The following CSRP1 variants were observed in gnomAD, a reference collection of about 807,000 sequenced individuals.
CSRP1 encodes the protein cysteine and glycine-rich protein 1.
CSRP1 carries 16 observed loss-of-function variants against 25.4 expected under a neutral mutation model. The ratio of observed to expected loss-of-function variants is 0.63; its 90% confidence interval spans 0.43 to 0.96. The LOEUF (loss-of-function observed/expected upper bound fraction) is 0.96. Among genes scored for constraint, CSRP1 ranks in the 40% least tolerant of loss-of-function variants. CSRP1 has a pLI of 0.00. For synonymous variants in CSRP1, 97 were observed against 95.3 expected, an observed-to-expected ratio of 1.02 and a Z score of -0.10; for missense variants, 212 against 243.6, an observed-to-expected ratio of 0.87 and a Z score of 0.86.
At position 201,485,467 on chromosome 1, in the gene CSRP1, A is replaced by G. The variant is rs1409300533; in HGVS notation, c.412-91T>C. 7.0e-6 allele frequency: 8 copies of G among 1,139,412 alleles called. No homozygotes were observed. The African/African-American group carries it at 1.1e-4, about 15-fold the overall frequency. The allele number at this position is 1,139,412 out of a possible 1,614,324, so 70.6% of individuals were successfully genotyped here. A position where few individuals can be genotyped will look rare whatever the true frequency, so the allele number is the denominator to read the frequency against. ...ACTCCCTTTGACATAACCATGGTAT[A>G]AGGGCTCAAGCCACTTCTGAAGTCT... On this transcript the variant is annotated intron_variant, in intron 4 of 5. Coordinates refer to ENST00000340006, the MANE Select transcript of CSRP1 (RefSeq NM_004078.3).
rs114626471 is a variant in CSRP1 at position 201,498,117 on chromosome 1, C to T, written c.-1-1813G>A. 7.0e-3 allele frequency among the ~76,000 whole-genome samples: 1,072 copies of T among 152,302 alleles called. 13 individuals carry two copies. Among genetic ancestry groups the T allele is most frequent in the African/African-American group, 0.025 (1,023 of 41,564 alleles). ...CAGTACTTGGCACATATACAGCACA[C>T]AGAAGTCCAAGTGATGCCTCAGGTC... On this transcript the variant is annotated intron_variant, in intron 1 of 5. Coordinates refer to ENST00000340006, the MANE Select transcript of CSRP1 (RefSeq NM_004078.3).
At chr1:201,506,685 G>C (rs1384917608) in intron 1 of CSRP1, 1 of 152,262 alleles carries the variant, frequency 6.6e-6, no homozygotes, top group Non-Finnish European at 1.5e-5. Context: ...CCCGCCCGCG[G>C]GCATTTTCTC....
intron 1 of CSRP1, among the ~76,000 whole-genome samples, chr1:201,503,305 T>C (rs2102416746): frequency 6.6e-6 from 1 of 152,352 alleles, no homozygotes; most frequent in Non-Finnish European, 1.5e-5. Context: ...TGTAATGATG[T>C]TGGTTATTCC....
At chr1:201,488,770 C>T (rs1185173575) in intron 4 of CSRP1, 85 bp downstream of exon 4, 2 of 1,534,992 alleles carry the variant, frequency 1.3e-6, no homozygotes, top group Non-Finnish European at 1.8e-6. Flanking sequence ...CTGAGCAGAG[C>T]TAGGTCACCA....
At position 201,496,811 on chromosome 1, in the gene CSRP1, T is replaced by G. The variant is rs979769265; in HGVS notation, c.-1-507A>C. The stretch of plus-strand genomic sequence containing the variant: ...TTACTACAGAAAAGCAAGGGAATGA[T>G]GATCACAAGCTTTTACCTTAGAAGA... On this transcript the variant is annotated intron_variant, in intron 1 of 5. Coordinates refer to ENST00000340006, the MANE Select transcript of CSRP1 (RefSeq NM_004078.3). 1.3e-4 allele frequency among the ~76,000 whole-genome samples: 20 copies of G among 152,324 alleles called. No homozygotes were observed. The South Asian group carries it at 3.3e-3, about 25-fold the overall frequency.
At chr1:201,502,165 G>A (rs1664692527) in intron 1 of CSRP1, among the ~76,000 whole-genome samples, 1 of 152,190 alleles carries the variant, frequency 6.6e-6, no homozygotes, top group Admixed American at 6.5e-5. Flanking sequence ...TTTCTACAGT[G>A]GAAAAATCCC....
At chr1:201,491,349 G>A (rs1225336250) in intron 2 of CSRP1, 1 of 152,164 alleles carries the variant, frequency 6.6e-6, no homozygotes, top group Admixed American at 6.5e-5. Flanking sequence ...GTCATGAAGA[G>A]TCAGACTGCC....
chr1:201,500,205 C>T (rs1048203300), intron 1 of CSRP1, among the ~76,000 whole-genome samples: 1 of 152,202 alleles, frequency 6.6e-6, no homozygotes, highest in African/African-American at 2.4e-5. Flanking sequence ...CCCCCTGAAC[C>T]AGCAGGGGAC....
At chr1:201,490,386 G>A (rs1370989110) in intron 2 of CSRP1, 42 bp from the exon 3 acceptor site, 7 of 1,600,940 alleles carry the variant, frequency 4.4e-6, no homozygotes, top group Non-Finnish European at 6.0e-6. Flanking sequence ...AGTTGAAGCT[G>A]GGGTGACCTT....
intron 1 of CSRP1, among the ~76,000 whole-genome samples, chr1:201,503,213 AAACTTC>A (rs1664717675): frequency 1.3e-5 from 2 of 152,214 alleles, no homozygotes; most frequent in Admixed American, 1.3e-4. Context: ...TAGTATTTCA[AAACTTC>A]TACAGGAAAT....
At chr1:201,506,187 G>A (rs909592830) in intron 1 of CSRP1, among the ~76,000 whole-genome samples, 7 of 152,156 alleles carry the variant, frequency 4.6e-5, no homozygotes, top group Admixed American at 1.3e-4. Context: ...CCAGGGCCCA[G>A]TGGATTTCCT....
intron 5 of CSRP1, 100 bp downstream of exon 5, chr1:201,485,183 C>T (rs759041560): frequency 1.1e-5 from 11 of 1,018,464 alleles, no homozygotes; most frequent in Non-Finnish European, 1.7e-5. Context: ...ATCTTGGATC[C>T]CAAGGCCAGG....
At position 201,485,354 on chromosome 1, in the gene CSRP1, C is replaced by T. The variant is rs1303078453; in HGVS notation, c.434G>A (p.Arg145Gln). 17 of 1,614,074 alleles carry T rather than the reference C, an allele frequency of 1.1e-5. No individual in the cohort carries two copies. Among genetic ancestry groups the T allele is most frequent in the Admixed American group, 1.7e-5 (1 of 60,000 alleles). Reference sequence around the variant, plus strand: ...AAGGCCTTTGCCACACTTGGCACATCGAAAGCAGGCCTTATGCCAGGACTA... The same window carrying T: ...AAGGCCTTTGCCACACTTGGCACATTGAAAGCAGGCCTTATGCCAGGACTA... ...AGKSWHKACF[R>Q]CAKCGKGLES... Residue 145 changes from arginine to glutamine, a missense_variant, in exon 5 of 6, where the codon CGA becomes CAA. Transcript: ENST00000340006.
At chr1:201,488,708 T>G (rs1259446120) in intron 4 of CSRP1, 147 bp downstream of exon 4, 6 of 874,382 alleles carry the variant, frequency 6.9e-6, no homozygotes, top group Non-Finnish European at 1.0e-5. Flanking sequence ...CACAGGTACA[T>G]GCAACCCACA....
In CSRP1 at chr1:201,496,230, C is replaced by T; in HGVS notation, c.74G>A (p.Cys25Tyr). Residue 25 changes from cysteine (C) to tyrosine (Y), a missense_variant, in exon 2 of 6, where the codon TGC becomes TAC. Cys to Tyr is a radical substitution (Grantham distance 194). Transcript: ENST00000340006. ...GGATTTATGGAAGCTGTTGCCTTCG[C>T]ACTGAACCTCTTCGGCAAAGTAAAC... ...KTVYFAEEVQ[C>Y]EGNSFHKSCF... is the part of the protein sequence containing the mutation. 6.2e-7 allele frequency: 1 copy of T among 1,614,230 alleles called. No homozygotes were observed. The highest frequency in any genetic ancestry group is 1.1e-5 in the South Asian group (1 of 91,086).
In CSRP1 at chr1:201,483,981, G is replaced by T. The variant is rs1260887872; in HGVS notation, c.*732C>A. ...TTGATAAATGCCAATATATGTTTCA[G>T]GTATTTCATTAGGATCCTCCCATCA... On this transcript the variant is annotated 3_prime_UTR_variant, in exon 6 of 6. Transcript: ENST00000340006. 1.4e-6 allele frequency: 1 copy of T among 693,118 alleles called. No individual in the cohort carries two copies. The highest frequency in any genetic ancestry group is 1.7e-5 in the African/African-American group (1 of 57,210). The allele number at this position is 693,118 out of a possible 1,614,324, so 42.9% of individuals were successfully genotyped here. A position where few individuals can be genotyped will look rare whatever the true frequency, so the allele number is the denominator to read the frequency against.
At chr1:201,505,252 C>A (rs1664789538) in intron 1 of CSRP1, among the ~76,000 whole-genome samples, 1 of 152,174 alleles carries the variant, frequency 6.6e-6, no homozygotes, top group Admixed American at 6.5e-5. Flanking sequence ...ATTGCTACCC[C>A]ACTCATTCAT....
At chr1:201,484,918 C>T in intron 5 of CSRP1, 129 bp from the exon 6 acceptor site, 3 of 747,642 alleles carry the variant, frequency 4.0e-6, no homozygotes, top group East Asian at 2.7e-5. Flanking sequence ...TCCACTGGTA[C>T]CCCCTCACCT....
chr1:201,503,070 C>T (rs967542629), intron 1 of CSRP1, among the ~76,000 whole-genome samples: 5 of 151,960 alleles, frequency 3.3e-5, no homozygotes, highest in South Asian at 4.1e-4. Flanking sequence ...TGCTTGAACC[C>T]GGAGGCAGAG....
Sources: allele counts gnomAD v4.1 joint callset (sites outside exome capture counted in the v4.1 genomes callset), GRCh38; gene constraint gnomAD v4.1.1; transcripts MANE v1.5; gene names NCBI Gene and HGNC (gene_info 2026-07-23, HGNC 2026-07-21).